Variants in EXOSC7 observed in about 807,000 individuals in gnomAD.
EXOSC7 encodes the protein exosome component 7.
A neutral mutation model predicts 34.3 loss-of-function variants in EXOSC7; 25 were observed. That is an observed-to-expected ratio of 0.73 (90% CI 0.53 to 1.02). The LOEUF (loss-of-function observed/expected upper bound fraction) is 1.02. Among genes scored for constraint, EXOSC7 ranks in the 50% least tolerant of loss-of-function variants. EXOSC7 has a pLI of 0.00. For synonymous variants in EXOSC7, 130 were observed against 143.0 expected (o/e 0.91, Z 0.65); for missense variants, 370 against 368.5 (o/e 1.00, Z -0.03).
At chr3:45,007,679 A>C in intron 7 of EXOSC7, 104 bp downstream of exon 7, 3 of 1,281,594 alleles carry the variant, frequency 2.3e-6, no homozygotes, top group East Asian at 5.3e-5. Flanking sequence ...CACAGCCTTG[A>C]CCCCAAACTT....
Position 44,976,828 on chromosome 3 carries a change from A to G in EXOSC7, c.57+494A>G, listed in dbSNP as rs184009829. Among the ~76,000 whole-genome samples, 571 of 152,352 alleles carry G rather than the reference A, an allele frequency of 3.7e-3. 10 individuals carry two copies. Among genetic ancestry groups the G allele is most frequent in the Admixed American group, 0.029 (448 of 15,302 alleles). On this transcript the variant is annotated intron_variant, in intron 1 of 7. Coordinates refer to ENST00000265564, the MANE Select transcript of EXOSC7 (RefSeq NM_015004.4). Reference sequence around the variant, plus strand: ...TTTAAAAAGCGGCTAGGACGCCTGTAATCCCAGCACTTTGGGAGGCCGAGG... The same window carrying G: ...TTTAAAAAGCGGCTAGGACGCCTGTGATCCCAGCACTTTGGGAGGCCGAGG...
intron 7 of EXOSC7, among the ~76,000 whole-genome samples, chr3:45,009,612 G>C (rs368543979): frequency 6.6e-6 from 1 of 151,486 alleles, no homozygotes; most frequent in African/African-American, 2.4e-5. Flanking sequence ...GCAGTGGTGC[G>C]ATCTCAGCTC....
At chr3:44,998,021 AT>A (rs1422004823) in intron 4 of EXOSC7, among the ~76,000 whole-genome samples, 3 of 139,830 alleles carry the variant, frequency 2.1e-5, no homozygotes, top group African/African-American at 2.7e-5. Context: ...GCTCTAATTA[AT>A]TTTTTTTTGT....
Position 45,011,366 on chromosome 3 carries a change from ATTGT to A in EXOSC7, c.*30_*33del. On this transcript the variant is annotated 3_prime_UTR_variant, in exon 8 of 8. Coordinates refer to ENST00000265564, the MANE Select transcript of EXOSC7 (RefSeq NM_015004.4). ...TTGCACATCAACTGCTCAACTGTGG[ATTGT>A]TTTTTACTTTTCCTTTTAAACCGGT... The A allele has an allele frequency of 2.1e-6, 3 of 1,424,808 alleles. No individual in the cohort carries two copies. The highest frequency in any genetic ancestry group is 9.8e-7 in the Non-Finnish European group (1 of 1,020,172). 88.3% of individuals were successfully genotyped at this position (1,424,808 alleles called of 1,614,324 possible). A position where few individuals can be genotyped will look rare whatever the true frequency, so the allele number is the denominator to read the frequency against.
At chr3:45,006,703 A>G (rs113024317) in intron 6 of EXOSC7, among the ~76,000 whole-genome samples, 169 of 152,012 alleles carry the variant, frequency 1.1e-3, no homozygotes, top group African/African-American at 4.0e-3. Flanking sequence ...GGCGTGAGCC[A>G]CCGCGCCCGG....
At chr3:44,978,358 C>A (rs906960892) in intron 1 of EXOSC7, among the ~76,000 whole-genome samples, 1 of 152,160 alleles carries the variant, frequency 6.6e-6, no homozygotes, top group Non-Finnish European at 1.5e-5. Flanking sequence ...CTGAAGGCTT[C>A]CCTAAGGAGG....
At position 45,007,086 on chromosome 3, in the gene EXOSC7, C is replaced by T. The variant is rs11927850; in HGVS notation, c.616-334C>T. On this transcript the variant is annotated intron_variant, in intron 6 of 7. Coordinates refer to ENST00000265564, the MANE Select transcript of EXOSC7 (RefSeq NM_015004.4). Reference sequence around the variant, plus strand: ...TGATTCCCCCTTGCCATCAGTGAAACGTCCATGTGGCCTTGTGTGTGAATT... The same window carrying T: ...TGATTCCCCCTTGCCATCAGTGAAATGTCCATGTGGCCTTGTGTGTGAATT... 1.6e-3 allele frequency among the ~76,000 whole-genome samples: 248 copies of T among 152,242 alleles called. 1 individual carries two copies. Among genetic ancestry groups the T allele is most frequent in the African/African-American group, 5.6e-3 (234 of 41,544 alleles).
At chr3:44,995,295 G>A (rs1164940943) in intron 3 of EXOSC7, among the ~76,000 whole-genome samples, 1 of 152,226 alleles carries the variant, frequency 6.6e-6, no homozygotes, top group East Asian at 1.9e-4. Flanking sequence ...GGGCATGCAT[G>A]GTTTTATAGG....
intron 3 of EXOSC7, among the ~76,000 whole-genome samples, chr3:44,993,848 T>G (rs1217873814): frequency 6.6e-6 from 1 of 152,218 alleles, no homozygotes; most frequent in Non-Finnish European, 1.5e-5. Context: ...GCAGAGCAGC[T>G]TTTTATTTAG....
intron 6 of EXOSC7, among the ~76,000 whole-genome samples, chr3:45,006,697 T>G (rs955159288): frequency 2.0e-5 from 3 of 151,670 alleles, no homozygotes. Flanking sequence ...ATTACAGGCG[T>G]GAGCCACCGC....
chr3:44,978,436 A>G (rs888783757), intron 1 of EXOSC7, among the ~76,000 whole-genome samples: 3 of 152,192 alleles, frequency 2.0e-5, no homozygotes, highest in African/African-American at 7.2e-5. Flanking sequence ...GTATTCATTC[A>G]TTCAACACAG....
chr3:45,003,775 G>A (rs115956719), intron 5 of EXOSC7, among the ~76,000 whole-genome samples: 2,015 of 152,282 alleles, frequency 0.013, 24 homozygotes, highest in Middle Eastern at 0.041. Flanking sequence ...TACACTCACT[G>A]ATGATAACCA....
At chr3:44,980,018 T>C (rs1383831743) in intron 1 of EXOSC7, among the ~76,000 whole-genome samples, 1 of 151,798 alleles carries the variant, frequency 6.6e-6, no homozygotes, top group Non-Finnish European at 1.5e-5. Context: ...CTACTGCCCC[T>C]ATTCCAAAGG....
intron 3 of EXOSC7, among the ~76,000 whole-genome samples, chr3:44,995,875 A>G (rs1706707678): frequency 6.6e-6 from 1 of 152,242 alleles, no homozygotes; most frequent in South Asian, 2.1e-4. Context: ...TAGGGTGGGC[A>G]CTGCCATGGG....
chr3:45,001,506 T>G, intron 4 of EXOSC7, 32 bp from the exon 5 acceptor site: 1 of 1,565,898 alleles, frequency 6.4e-7, no homozygotes, highest in African/African-American at 1.3e-5. Flanking sequence ...ATGCTTGGTT[T>G]TTTTTCCTTT....
At chr3:45,005,217 TC>T (rs1706999809) in intron 5 of EXOSC7, 73 bp from the exon 6 acceptor site, 1 of 1,541,758 alleles carries the variant, frequency 6.5e-7, no homozygotes, top group African/African-American at 1.4e-5. Context: ...GGATTCCAAC[TC>T]CTATTCTCAA....
chr3:44,979,504 A>C lies in EXOSC7; in HGVS notation c.57+3170A>C, dbSNP rs115675051. 7.0e-3 allele frequency among the ~76,000 whole-genome samples: 1,064 copies of C among 152,326 alleles called. 14 individuals carry two copies. Among genetic ancestry groups the C allele is most frequent in the African/African-American group, 0.024 (998 of 41,578 alleles). On this transcript the variant is annotated intron_variant, in intron 1 of 7. Coordinates refer to ENST00000265564, the MANE Select transcript of EXOSC7 (RefSeq NM_015004.4). ...ATGTGTTGAGGATTCAGTTGCTAGT[A>C]ATGGTAACCAACACATCGGCTCAAG...
Position 45,007,548 on chromosome 3 carries a change from C to T in EXOSC7, c.744C>T (p.Asp248=). ...GGAAAGTGGGGAAGGGCAGCCTGGA[C>T]CCAGAGAGCATCTTCGAGATGATGG... ...CMRKVGKGSL[D]PESIFEMMET... Residue 248 remains aspartate, a synonymous_variant, in exon 7 of 8, where the codon GAC becomes GAT. Coordinates refer to ENST00000265564, the MANE Select transcript of EXOSC7 (RefSeq NM_015004.4). 6.2e-7 allele frequency: 1 copy of T among 1,611,904 alleles called. No individual in the cohort carries two copies. Among genetic ancestry groups the T allele is most frequent in the Non-Finnish European group, 8.5e-7 (1 of 1,178,840 alleles).
At chr3:44,989,052 T>C in intron 1 of EXOSC7, 88 bp from the exon 2 acceptor site, 1 of 838,250 alleles carries the variant, frequency 1.2e-6, no homozygotes, top group Non-Finnish European at 2.0e-6. Context: ...ATTCTGCATA[T>C]ATCTTCTCTA....
Sources: allele counts gnomAD v4.1 joint callset (sites outside exome capture counted in the v4.1 genomes callset), GRCh38; gene constraint gnomAD v4.1.1; transcripts MANE v1.5; gene names NCBI Gene and HGNC (gene_info 2026-07-23, HGNC 2026-07-21).